The following TTC7A variants were observed in gnomAD, a reference collection of about 807,000 sequenced individuals.
TTC7A encodes the protein tetratricopeptide repeat domain 7A.
TTC7A carries 110 observed loss-of-function variants against 103.7 expected under a neutral mutation model. The ratio of observed to expected loss-of-function variants is 1.06; its 90% CI spans 0.91 to 1.24. The LOEUF (loss-of-function observed/expected upper bound fraction) is 1.24, where lower values mean the gene tolerates loss of function less well. Among genes scored for constraint, TTC7A ranks in the 50% most tolerant of loss-of-function variants. The pLI is 0.00. For missense variants in TTC7A, 1,340 were observed against 1,116.3 expected (o/e 1.20, Z -2.86); for synonymous variants, 521 against 467.9 (o/e 1.11, Z -1.47).
At chr2:47,003,989 G>A (rs760797770) in intron 8 of TTC7A, among the ~76,000 whole-genome samples, 154 of 152,338 alleles carry the variant, frequency 1.0e-3, no homozygotes, top group Non-Finnish European at 1.6e-3. Context: ...CTCTCTTCCT[G>A]TTGGTGGCTG....
intron 2 of TTC7A, among the ~76,000 whole-genome samples, chr2:46,926,304 C>T (rs1053436358): frequency 2.6e-5 from 4 of 152,198 alleles, no homozygotes; most frequent in Non-Finnish European, 4.4e-5. Context: ...TGCCCAGGTA[C>T]TGTGCTAAAC....
Position 46,956,955 on chromosome 2 carries a change from G to A in TTC7A, c.465G>A (p.Glu155=), listed in dbSNP as rs1410956602. The A allele has an allele frequency of 1.9e-6, 3 of 1,614,090 alleles. No homozygotes were observed. Among genetic ancestry groups the A allele is most frequent in the Non-Finnish European group, 2.5e-6 (3 of 1,180,040 alleles). The part of the protein sequence containing the change: ...ARAGIDDMSM[E]NKPLYQMRLL... ...CCGGGATTGATGACATGTCCATGGA[G>A]AACAAGCCCCTGTATCAGATGCGGC... Residue 155 remains glutamate, a synonymous_variant, in exon 3 of 20, where the codon GAG becomes GAA. Coordinates refer to ENST00000319190, the MANE Select transcript of TTC7A (RefSeq NM_020458.4).
At chr2:47,018,935 G>A (rs1242144119) in intron 11 of TTC7A, among the ~76,000 whole-genome samples, 1 of 152,176 alleles carries the variant, frequency 6.6e-6, no homozygotes, top group Non-Finnish European at 1.5e-5. Context: ...GTTCTTAGCT[G>A]CTAGACTGCC....
intron 15 of TTC7A, among the ~76,000 whole-genome samples, chr2:47,034,952 C>T (rs1404174371): frequency 6.6e-6 from 1 of 152,230 alleles, no homozygotes; most frequent in Non-Finnish European, 1.5e-5. Flanking sequence ...CCCCAGGAAA[C>T]CTAGACTGTT....
Position 47,060,854 on chromosome 2 carries a change from A to T in TTC7A, c.2238A>T (p.Ser746=), listed in dbSNP as rs1348002888. Residue 746 remains serine (S), a synonymous_variant, in exon 19 of 20, where the codon TCA becomes TCT. Transcript: ENST00000319190. ...CGGGCCTCTTCCCCACTTCTCACTC[A>T]GTACTCTATATGCGGGGCCGGCTGG... ...EAAGLFPTSH[S]VLYMRGRLAE... 1 of 1,614,106 alleles carries T rather than the reference A, an allele frequency of 6.2e-7. No homozygotes were observed. The highest frequency in any genetic ancestry group is 2.2e-5 in the East Asian group (1 of 44,880).
Position 46,934,832 on chromosome 2 carries a change from C to T in TTC7A, c.83-15531C>T, listed in dbSNP as rs186952791. 2.4e-3 allele frequency among the ~76,000 whole-genome samples: 264 copies of T among 111,534 alleles called. 2 individuals are homozygous for T. The highest frequency in any genetic ancestry group is 0.019 in the Admixed American group (170 of 9,066). 73.2% of individuals were successfully genotyped at this position (111,534 alleles called of 152,430 possible). A position where few individuals can be genotyped will look rare whatever the true frequency, so the allele number is the denominator to read the frequency against. On this transcript the variant is annotated intron_variant, in intron 2 of 20. Coordinates refer to the TTC7A transcript ENST00000409245. ...TTTTTTTTTTTTTGAGACTGAGTCTCGCTCTGTCGCCAGGCTGGAGTGCAG... is the reference window on the plus strand; with the variant it reads ...TTTTTTTTTTTTTGAGACTGAGTCTTGCTCTGTCGCCAGGCTGGAGTGCAG...
intron 3 of TTC7A, among the ~76,000 whole-genome samples, chr2:46,966,002 T>G (rs900068410): frequency 1.3e-5 from 2 of 152,028 alleles, no homozygotes; most frequent in Admixed American, 6.6e-5. Context: ...CAGGCTAGAG[T>G]GCAATGGCAC....
At chr2:46,965,805 C>T (rs1029857967) in intron 3 of TTC7A, among the ~76,000 whole-genome samples, 9 of 152,184 alleles carry the variant, frequency 5.9e-5, no homozygotes, top group South Asian at 2.1e-4. Context: ...TCAAGTGATC[C>T]GCCTGCCTCA....
At chr2:47,022,160 C>T (rs1558589056) in intron 12 of TTC7A, among the ~76,000 whole-genome samples, 181 bp downstream of exon 12, 1 of 152,206 alleles carries the variant, frequency 6.6e-6, no homozygotes, top group African/African-American at 2.4e-5. Flanking sequence ...CACACGCGCC[C>T]CTCAGACCCA....
intron 11 of TTC7A, among the ~76,000 whole-genome samples, chr2:47,019,501 G>A (rs1026558703): frequency 5.3e-5 from 8 of 152,306 alleles, no homozygotes; most frequent in South Asian, 2.1e-4. Context: ...TTTAAACTAC[G>A]TGGACAATGC....
At chr2:46,963,002 A>T (rs947312318) in intron 3 of TTC7A, among the ~76,000 whole-genome samples, 2 of 152,242 alleles carry the variant, frequency 1.3e-5, no homozygotes, top group African/African-American at 4.8e-5. Flanking sequence ...CTTCAAGTCC[A>T]TGGATCTAGA....
chr2:46,916,123 G>A, upstream of TTC7A: 1 of 985,566 alleles, frequency 1.0e-6, no homozygotes, highest in Non-Finnish European at 1.2e-6. Flanking sequence ...GGATGGGGCG[G>A]ACCCCAAAGC....
intron 5 of TTC7A, among the ~76,000 whole-genome samples, chr2:46,990,696 A>G (rs1675533901): frequency 6.6e-6 from 1 of 152,174 alleles, no homozygotes; most frequent in South Asian, 2.1e-4. Flanking sequence ...GGACTTAGGG[A>G]GGCTGCCTCA....
chr2:47,028,073 C>T (rs2104584689), intron 14 of TTC7A, among the ~76,000 whole-genome samples: 1 of 152,192 alleles, frequency 6.6e-6, no homozygotes, highest in East Asian at 1.9e-4. Flanking sequence ...AGGAGAGGGG[C>T]CTCGGGTGTC....
chr2:46,942,894 TTTTGTTTGTTTG>T (rs370525644), intron 1 of TTC7A, among the ~76,000 whole-genome samples: 15 of 151,832 alleles, frequency 9.9e-5, no homozygotes, highest in African/African-American at 3.4e-4. Context: ...TTGTTTTTGT[TTTTGTTTGTTTG>T]TTTGTTTGTT....
chr2:46,941,841 G>A lies in TTC7A; in HGVS notation c.184+116G>A, dbSNP rs1670432243. On this transcript the variant is annotated intron_variant, in intron 1 of 19. Coordinates refer to ENST00000319190, the MANE Select transcript of TTC7A (RefSeq NM_020458.4). This position sits in a 1 kb window ranked among gnomAD's most constrained non-coding sequence, Gnocchi z 4.2. ...CAGCGGGCGCCTGCCAGCCCACCGT[G>A]CTAGTCTTAAGAGCAGCCAGGGCAG... is the stretch of plus-strand genomic sequence containing the variant. 1.5e-6 allele frequency: 2 copies of A among 1,368,354 alleles called. No homozygotes were observed. The highest frequency in any genetic ancestry group is 2.5e-5 in the East Asian group (1 of 39,674). The allele number at this position is 1,368,354 out of a possible 1,614,324, so 84.8% of individuals were successfully genotyped here.
chr2:47,024,185 G>T (rs1210854951), intron 13 of TTC7A, 102 bp from the exon 14 acceptor site: 6 of 1,030,152 alleles, frequency 5.8e-6, no homozygotes, highest in Middle Eastern at 2.4e-4. Context: ...CCAGGGTATT[G>T]CCTCATAGCG....
At position 46,956,871 on chromosome 2, in the gene TTC7A, G is replaced by A. The variant is rs756199724; in HGVS notation, c.381G>A (p.Leu127=). ...ACATGTGTGAGGCCATGCTGATCCTGGGCAAACTGCATTACGTGGAGGGCT... is the reference window on the plus strand; with the variant it reads ...ACATGTGTGAGGCCATGCTGATCCTAGGCAAACTGCATTACGTGGAGGGCT... The part of the protein sequence containing the change: ...PQYMCEAMLI[L]GKLHYVEGSY... Residue 127 remains leucine, a synonymous_variant, in exon 3 of 20, where the codon CTG becomes CTA. Transcript: ENST00000319190. 2.5e-6 allele frequency: 4 copies of A among 1,614,198 alleles called. No homozygotes were observed. In the South Asian group the frequency reaches 4.4e-5, roughly 18 times the overall value.
At chr2:46,956,522 T>G (rs1349085068) in intron 2 of TTC7A, 1 of 313,506 alleles carries the variant, frequency 3.2e-6, no homozygotes, top group Non-Finnish European at 6.0e-6. Flanking sequence ...GGGGCTGCAG[T>G]CTTTGGGGGG....
Sources: allele counts gnomAD v4.1 joint callset (sites outside exome capture counted in the v4.1 genomes callset), GRCh38; gene constraint gnomAD v4.1.1; non-coding constraint Gnocchi (gnomAD v3.1); transcripts MANE v1.5; gene names NCBI Gene and HGNC (gene_info 2026-07-23, HGNC 2026-07-21).